The following RPS6KC1 variants were observed in gnomAD, a reference collection of about 807,000 sequenced individuals.
RPS6KC1 encodes the protein ribosomal protein S6 kinase C1.
RPS6KC1 carries 54 observed loss-of-function variants against 103.8 expected under a neutral mutation model. The ratio of observed to expected loss-of-function variants is 0.52; its 90% CI spans 0.42 to 0.65. RPS6KC1 has a LOEUF of 0.65. RPS6KC1 is among the 30% of genes least tolerant of loss of function. The pLI is 0.00. For missense variants in RPS6KC1, 1,151 were observed against 1,253.8 expected (o/e 0.92, Z 1.24); for synonymous variants, 439 against 438.7 (o/e 1.00, Z -0.01).
chr1:213,850,881 A>G, the RPS6KC1 span, among the ~76,000 whole-genome samples: 5 of 151,318 alleles, frequency 3.3e-5, no homozygotes, highest in Non-Finnish European at 7.4e-5. Context: ...TTCACAATCT[A>G]GTTAGCTGAT....
chr1:213,783,410 T>C, the RPS6KC1 span, among the ~76,000 whole-genome samples: 1 of 152,162 alleles, frequency 6.6e-6, no homozygotes. Flanking sequence ...AACCCTCTGC[T>C]GGGATAACCA....
At chr1:213,236,099 G>A (rs2094214484) in intron 10 of RPS6KC1, among the ~76,000 whole-genome samples, 1 of 152,116 alleles carries the variant, frequency 6.6e-6, no homozygotes, top group Non-Finnish European at 1.5e-5. Context: ...CTGCACATGC[G>A]AGGGATCTAG....
the RPS6KC1 span, among the ~76,000 whole-genome samples, chr1:213,527,700 T>C: frequency 6.6e-6 from 1 of 152,138 alleles, no homozygotes; most frequent in African/African-American, 2.4e-5. Context: ...CACGTTGTAA[T>C]TGTACATACA....
chr1:213,508,122 C>T, the RPS6KC1 span, among the ~76,000 whole-genome samples: 2 of 152,144 alleles, frequency 1.3e-5, no homozygotes, highest in Non-Finnish European at 2.9e-5. Flanking sequence ...TTCCCAATGC[C>T]TCATGCCAAT....
At chr1:213,809,250 C>T in the RPS6KC1 span, among the ~76,000 whole-genome samples, 1 of 152,144 alleles carries the variant, frequency 6.6e-6, no homozygotes. Flanking sequence ...ATGGGCTGGT[C>T]AGTGGAGCAG....
At chr1:213,185,741 CTTATTTTCTGG>C (rs1289115058) in intron 8 of RPS6KC1, among the ~76,000 whole-genome samples, 1 of 149,166 alleles carries the variant, frequency 6.7e-6, no homozygotes, top group Non-Finnish European at 1.5e-5. Flanking sequence ...TTTTTTCCTG[CTTATTTTCTGG>C]TTATTTTGAC....
chr1:213,204,796 T>A (rs1573254920), intron 8 of RPS6KC1, among the ~76,000 whole-genome samples: 2 of 152,000 alleles, frequency 1.3e-5, no homozygotes, highest in African/African-American at 4.8e-5. Context: ...GCTAATTTTT[T>A]AATTTTATTT....
At chr1:213,135,062 T>C (rs1419091516) in intron 6 of RPS6KC1, among the ~76,000 whole-genome samples, 1 of 152,172 alleles carries the variant, frequency 6.6e-6, no homozygotes, top group East Asian at 1.9e-4. Context: ...TTGTTGGTTT[T>C]TCATAGACGC....
intron 1 of RPS6KC1, among the ~76,000 whole-genome samples, chr1:213,054,248 A>G (rs903896547): frequency 2.0e-5 from 3 of 152,210 alleles, no homozygotes; most frequent in African/African-American, 7.2e-5. Flanking sequence ...ATTTATATAT[A>G]TGCATGTTAC....
the RPS6KC1 span, among the ~76,000 whole-genome samples, chr1:213,595,101 G>A: frequency 3.9e-5 from 6 of 152,130 alleles, no homozygotes; most frequent in South Asian, 1.2e-3. Context: ...AATAAAACTG[G>A]ACACCACTCG....
At chr1:213,551,376 G>C in the RPS6KC1 span, among the ~76,000 whole-genome samples, 1 of 152,122 alleles carries the variant, frequency 6.6e-6, no homozygotes, top group Non-Finnish European at 1.5e-5. Context: ...GGAAGTAAAG[G>C]AGCCCTCCAC....
chr1:213,100,136 C>T (rs1225168981), intron 3 of RPS6KC1, among the ~76,000 whole-genome samples: 1 of 152,068 alleles, frequency 6.6e-6, no homozygotes, highest in African/African-American at 2.4e-5. Context: ...CATTATCAGC[C>T]TTTTTTAATT....
the RPS6KC1 span, among the ~76,000 whole-genome samples, chr1:213,763,781 TTTGCACTTC>T: frequency 9.2e-5 from 14 of 152,198 alleles, no homozygotes; most frequent in Non-Finnish European, 1.8e-4. Context: ...TTAGTGCTGA[TTTGCACTTC>T]TTAATTCCCA....
chr1:213,554,876 A>G, the RPS6KC1 span, among the ~76,000 whole-genome samples: 2 of 152,232 alleles, frequency 1.3e-5, no homozygotes, highest in Non-Finnish European at 2.9e-5. Context: ...TTATAACATA[A>G]TACATTTTAA....
chr1:213,728,490 C>T, the RPS6KC1 span, among the ~76,000 whole-genome samples: 1 of 152,168 alleles, frequency 6.6e-6, no homozygotes, highest in African/African-American at 2.4e-5. Flanking sequence ...ACTCATTTAA[C>T]GTCCATGCCA....
At chr1:213,342,682 A>G in the RPS6KC1 span, among the ~76,000 whole-genome samples, 1 of 152,122 alleles carries the variant, frequency 6.6e-6, no homozygotes, top group African/African-American at 2.4e-5. Flanking sequence ...ATTCACTTAT[A>G]TTTGACTTTT....
chr1:213,522,351 C>T, the RPS6KC1 span, among the ~76,000 whole-genome samples: 3 of 152,176 alleles, frequency 2.0e-5, no homozygotes, highest in Non-Finnish European at 4.4e-5. Flanking sequence ...TTTGTTGTTC[C>T]ACTGATAGAG....
chr1:213,316,345 G>T, the RPS6KC1 span, among the ~76,000 whole-genome samples: 1 of 152,216 alleles, frequency 6.6e-6, no homozygotes, highest in Non-Finnish European at 1.5e-5. Context: ...CTTTATAGCA[G>T]TGTGGAAATG....
intron 12 of RPS6KC1, among the ~76,000 whole-genome samples, chr1:213,251,102 CTT>C (rs1235280521): frequency 5.0e-5 from 5 of 100,208 alleles, no homozygotes; most frequent in Admixed American, 2.5e-4. Flanking sequence ...GGTTTTTCAG[CTT>C]TTTTTTTTTT....
Sources: allele counts gnomAD v4.1 joint callset (sites outside exome capture counted in the v4.1 genomes callset), GRCh38; gene constraint gnomAD v4.1.1; transcripts MANE v1.5; gene names NCBI Gene and HGNC (gene_info 2026-07-23, HGNC 2026-07-21).